Variants in KCNMB2 observed in about 807,000 individuals in gnomAD.
KCNMB2 encodes calcium-activated potassium channel subunit beta-2.
In KCNMB2, 9 loss-of-function variants were observed where a neutral mutation model predicts 24.5. That is an observed-to-expected ratio of 0.37 (90% CI 0.22 to 0.64). The LOEUF is 0.64. Among genes scored for constraint, KCNMB2 ranks in the 30% least tolerant of loss-of-function variants. KCNMB2 has a pLI of 0.63. For missense variants in KCNMB2, 226 were observed against 284.3 expected, an observed-to-expected ratio of 0.79 and a Z score of 1.47; for synonymous variants, 109 against 104.4, an observed-to-expected ratio of 1.04 and a Z score of -0.27.
chr3:178,788,805 T>C (rs1451979764), intron 1 of KCNMB2, among the ~76,000 whole-genome samples: 2 of 152,196 alleles, frequency 1.3e-5, no homozygotes, highest in Admixed American at 6.5e-5. Flanking sequence ...CAATCTTATA[T>C]TAAAGACACC....
chr3:178,587,592 T>G (rs565161645), intron 1 of KCNMB2, among the ~76,000 whole-genome samples: 1 of 140,926 alleles, frequency 7.1e-6, no homozygotes, highest in Admixed American at 6.9e-5. Context: ...CCCGGCTAAT[T>G]TTTTGGGTGG....
At chr3:178,833,074 C>CTT (rs1715101622) in intron 4 of KCNMB2, among the ~76,000 whole-genome samples, 3 of 22,916 alleles carry the variant, frequency 1.3e-4, no homozygotes, top group East Asian at 3.3e-4. Flanking sequence ...CTTACTTCTG[C>CTT]CAGGTACAAG....
Position 178,659,387 on chromosome 3 carries a change from T to G in KCNMB2, c.-68+122676T>G, listed in dbSNP as rs144221795. ...TTGTGAAGCTGGAGAGTTAAAGCCT[T>G]CAACAAGTTCTTTAAAACCATAATT... On this transcript the variant is annotated intron_variant, in intron 1 of 4. Transcript: ENST00000452583. Among the ~76,000 whole-genome samples, 800 of 152,342 alleles carry G rather than the reference T, an allele frequency of 5.3e-3. 5 individuals carry two copies. The highest frequency in any genetic ancestry group is 0.018 in the African/African-American group (758 of 41,580).
intron 1 of KCNMB2, among the ~76,000 whole-genome samples, chr3:178,607,925 T>C (rs1381913324): frequency 6.6e-6 from 1 of 152,120 alleles, no homozygotes; most frequent in South Asian, 2.1e-4. Flanking sequence ...ATTTCTCTAG[T>C]AGTTCTAAGA....
intron 1 of KCNMB2, among the ~76,000 whole-genome samples, chr3:178,599,679 A>G (rs1314367161): frequency 6.6e-6 from 1 of 152,210 alleles, no homozygotes; most frequent in Admixed American, 6.6e-5. Flanking sequence ...TATTAAGCAC[A>G]TTCACATTGT....
chr3:178,676,536 A>G (rs1241903385), intron 1 of KCNMB2, among the ~76,000 whole-genome samples: 6 of 152,132 alleles, frequency 3.9e-5, no homozygotes, highest in African/African-American at 1.4e-4. Flanking sequence ...TGGCTCTACA[A>G]GGGAGCATCC....
At chr3:178,575,948 T>C (rs1191998970) in intron 1 of KCNMB2, among the ~76,000 whole-genome samples, 1 of 152,138 alleles carries the variant, frequency 6.6e-6, no homozygotes, top group Admixed American at 6.6e-5. Flanking sequence ...AGAAATATGA[T>C]TTTTAAGTCA....
At chr3:178,678,696 A>G (rs1292424203) in intron 1 of KCNMB2, among the ~76,000 whole-genome samples, 3 of 152,248 alleles carry the variant, frequency 2.0e-5, no homozygotes, top group Non-Finnish European at 4.4e-5. Context: ...GAGAAAGAAC[A>G]GAAAGATATG....
intron 1 of KCNMB2, among the ~76,000 whole-genome samples, chr3:178,634,679 CAG>C (rs1719448550): frequency 6.6e-6 from 1 of 152,122 alleles, no homozygotes; most frequent in Non-Finnish European, 1.5e-5. Context: ...TTTGGTCTAA[CAG>C]AGCAAAACCC....
At chr3:178,818,479 G>A (rs976063439) in intron 2 of KCNMB2, among the ~76,000 whole-genome samples, 2 of 152,196 alleles carry the variant, frequency 1.3e-5, no homozygotes, top group East Asian at 1.9e-4. Context: ...CTGTGTCCAC[G>A]TGTTCTCATT....
chr3:178,750,670 C>A (rs1723813970), intron 1 of KCNMB2, among the ~76,000 whole-genome samples: 1 of 152,190 alleles, frequency 6.6e-6, no homozygotes, highest in Non-Finnish European at 1.5e-5. Context: ...ACTTTTGCAC[C>A]CGCATGGGCA....
intron 2 of KCNMB2, among the ~76,000 whole-genome samples, chr3:178,812,947 C>A (rs1714252971): frequency 6.6e-6 from 1 of 152,044 alleles, no homozygotes; most frequent in Admixed American, 6.5e-5. Flanking sequence ...ACTTGCACTT[C>A]CAAGTAAGTT....
intron 1 of KCNMB2, among the ~76,000 whole-genome samples, chr3:178,548,875 T>C (rs987111340): frequency 2.6e-5 from 4 of 152,232 alleles, no homozygotes; most frequent in Non-Finnish European, 5.9e-5. Context: ...AATTGATGAA[T>C]AGAAAGAAAG....
chr3:178,841,469 G>A (rs1715424840), intron 4 of KCNMB2: 1 of 152,128 alleles, frequency 6.6e-6, no homozygotes, highest in African/African-American at 2.4e-5. Flanking sequence ...CTCTGTATTA[G>A]CCTATTTTCA....
intron 1 of KCNMB2, among the ~76,000 whole-genome samples, chr3:178,770,764 T>G (rs1712317411): frequency 6.6e-6 from 1 of 152,242 alleles, no homozygotes; most frequent in Admixed American, 6.5e-5. Flanking sequence ...ACACTTTACA[T>G]GCACTATCTC....
chr3:178,618,402 C>A (rs1385967146), intron 1 of KCNMB2, among the ~76,000 whole-genome samples: 10 of 152,146 alleles, frequency 6.6e-5, no homozygotes, highest in Admixed American at 1.3e-4. Context: ...ACAGAGCCTG[C>A]GTGCTGAATC....
intron 3 of KCNMB2, among the ~76,000 whole-genome samples, chr3:178,827,971 G>C (rs1050988062): frequency 6.6e-6 from 1 of 152,174 alleles, no homozygotes. Flanking sequence ...CATTGAAAAC[G>C]TTCTCACGTG....
chr3:178,544,046 C>T (rs565863530), intron 1 of KCNMB2, among the ~76,000 whole-genome samples: 1 of 152,108 alleles, frequency 6.6e-6, no homozygotes, highest in East Asian at 1.9e-4. Flanking sequence ...ACTTTCAATG[C>T]CTAGCACAGT....
intron 1 of KCNMB2, among the ~76,000 whole-genome samples, chr3:178,579,601 T>A (rs1262271451): frequency 6.6e-6 from 1 of 151,860 alleles, no homozygotes; most frequent in Admixed American, 6.6e-5. Context: ...TTGAAAAGAT[T>A]AACAAAATAG....
Sources: allele counts gnomAD v4.1 joint callset (sites outside exome capture counted in the v4.1 genomes callset), GRCh38; gene constraint gnomAD v4.1.1; transcripts MANE v1.5; gene names NCBI Gene and HGNC (gene_info 2026-07-23, HGNC 2026-07-21).